The following LDLRAD1 variants were observed in gnomAD, a reference collection of about 807,000 sequenced individuals.
LDLRAD1 encodes the protein low-density lipoprotein receptor class A domain-containing protein 1.
A neutral mutation model predicts 24.8 loss-of-function variants in LDLRAD1; 17 were observed. The ratio of observed to expected loss-of-function variants is 0.69; its 90% CI spans 0.47 to 1.03. The LOEUF (loss-of-function observed/expected upper bound fraction) is 1.03. Among genes scored for constraint, LDLRAD1 ranks in the 50% least tolerant of loss-of-function variants. The pLI, the probability that LDLRAD1 is intolerant of heterozygous loss-of-function variation, is 0.00. For missense variants in LDLRAD1, 277 were observed against 271.0 expected, an observed-to-expected ratio of 1.02 and a Z score of -0.16; for synonymous variants, 103 against 108.2, an observed-to-expected ratio of 0.95 and a Z score of 0.30.
At position 54,008,930 on chromosome 1, in the gene LDLRAD1, G is replaced by T; in HGVS notation, c.*52C>A. ...CGCTAGGATTTGATTTTCATGTGAAGGGTTATCAGTGCCATTCCAGCCAGC... is the reference window on the plus strand; with the variant it reads ...CGCTAGGATTTGATTTTCATGTGAATGGTTATCAGTGCCATTCCAGCCAGC... On this transcript the variant is annotated 3_prime_UTR_variant, in exon 6 of 6. Transcript: ENST00000371360. The T allele has an allele frequency of 6.4e-7, 1 of 1,552,234 alleles. No homozygotes were observed. Among genetic ancestry groups the T allele is most frequent in the Non-Finnish European group, 8.8e-7 (1 of 1,138,322 alleles).
intron 3 of LDLRAD1, among the ~76,000 whole-genome samples, chr1:54,013,853 C>G (rs1191747866): frequency 1.3e-5 from 2 of 152,072 alleles, no homozygotes; most frequent in Non-Finnish European, 2.9e-5. Flanking sequence ...TGGGATGTCA[C>G]CCGGTCCCCT....
chr1:54,013,166 ACACT>A (rs1359375888), intron 3 of LDLRAD1, among the ~76,000 whole-genome samples: 1 of 152,144 alleles, frequency 6.6e-6, no homozygotes, highest in East Asian at 1.9e-4. Flanking sequence ...ACCTATGTGC[ACACT>A]CACAGATACA....
At chr1:54,014,203 G>A (rs764284928) in intron 3 of LDLRAD1, 33 bp downstream of exon 3, 27 of 1,567,618 alleles carry the variant, frequency 1.7e-5, no homozygotes, top group East Asian at 2.4e-5. Context: ...CCTCCCCGCC[G>A]GGTCTGACCC....
Position 54,017,427 on chromosome 1 carries a change from C to T in LDLRAD1, c.22G>A (p.Gly8Arg). Residue 8 changes from glycine (G) to arginine (R), a missense_variant and splice_region_variant, in exon 2 of 6, where the codon GGA (glycine) becomes AGA (arginine). By Grantham distance (125) the Gly-to-Arg change is moderately radical. Transcript: ENST00000371360. ...TCAGCAGCAGTGTAGCCATTCTCTC[C>T]CTGCCCAAGAGAACAGAGTGAGGGG... MNKVFPQGENGYTAAESK... is the reference protein window; with the variant it reads MNKVFPQRENGYTAAESK... 1 of 1,600,946 alleles carries T rather than the reference C, an allele frequency of 6.2e-7. No individual in the cohort carries two copies. The highest frequency in any genetic ancestry group is 8.5e-7 in the Non-Finnish European group (1 of 1,172,964).
chr1:54,015,939 G>A (rs968438098), intron 2 of LDLRAD1, among the ~76,000 whole-genome samples: 2 of 152,170 alleles, frequency 1.3e-5, no homozygotes, highest in East Asian at 3.9e-4. Context: ...ACAGGTGTGA[G>A]CCACCACACC....
In LDLRAD1 at chr1:54,009,060, A is replaced by G. The variant is rs780749653; in HGVS notation, c.540T>C (p.Cys180=). The G allele has an allele frequency of 8.1e-6, 13 of 1,614,032 alleles. No homozygotes were observed. The East Asian group carries it at 2.5e-4, about 30-fold the overall frequency. ...CPSTFFKYCD[C]IPRHLCRDHV... ...GGTCGCGGCAGAGATGCCTCGGTATACAGTCGCAGTACTTGAAGAAGGTTG... is the reference window on the plus strand; with the variant it reads ...GGTCGCGGCAGAGATGCCTCGGTATGCAGTCGCAGTACTTGAAGAAGGTTG... Residue 180 remains cysteine, a synonymous_variant, in exon 6 of 6, where the codon TGT becomes TGC. Transcript: ENST00000371360.
intron 3 of LDLRAD1, among the ~76,000 whole-genome samples, chr1:54,013,943 G>A (rs193289027): frequency 1.3e-5 from 2 of 152,038 alleles, no homozygotes; most frequent in African/African-American, 4.8e-5. Context: ...AGGGACTGGG[G>A]GGCTGAGAAG....
chr1:54,014,582 G>C (rs1656218553), intron 2 of LDLRAD1, among the ~76,000 whole-genome samples: 1 of 152,112 alleles, frequency 6.6e-6, no homozygotes. Context: ...CTGGCCAGGG[G>C]CCCACAGCTG....
In LDLRAD1 at chr1:54,014,338, G is replaced by A. The variant is rs149114405; in HGVS notation, c.100C>T (p.Arg34Cys). 4.6e-5 allele frequency: 71 copies of A among 1,548,764 alleles called. No homozygotes were observed. Among genetic ancestry groups the A allele is most frequent in the African/African-American group, 3.7e-4 (27 of 72,968 alleles). ...GAGGCAGAGAGGCAGGCCCCGCGAC[G>A]TGAGCAGCAGAGGTGGCCGCCGCCT... Reference protein sequence around the residue: ...EAGGGHLCCSRRGACLSASLL... With the variant: ...EAGGGHLCCSCRGACLSASLL... Residue 34 changes from arginine to cysteine, a missense_variant, in exon 3 of 6, where the codon CGT (arginine) becomes TGT (cysteine). Arg to Cys is a radical substitution (Grantham distance 180). Coordinates refer to ENST00000371360, the MANE Select transcript of LDLRAD1 (RefSeq NM_001010978.4).
chr1:54,013,765 C>T (rs556137105), intron 3 of LDLRAD1, among the ~76,000 whole-genome samples: 1 of 152,160 alleles, frequency 6.6e-6, no homozygotes, highest in East Asian at 1.9e-4. Flanking sequence ...AGACGGCTCT[C>T]GGAACAGTTA....
Position 54,013,784 on chromosome 1 carries a change from T to C in LDLRAD1, c.202+452A>G, listed in dbSNP as rs370044968. ...GGCTCTCGGAACAGTTATTAGCTCC[T>C]TGAAGGCAGGCACTGTGTTGGGGTT... On this transcript the variant is annotated intron_variant, in intron 3 of 5. Coordinates refer to ENST00000371360, the MANE Select transcript of LDLRAD1 (RefSeq NM_001010978.4). Among the ~76,000 whole-genome samples, 9 of 152,282 alleles carry C rather than the reference T, an allele frequency of 5.9e-5. No homozygotes were observed. In the East Asian group the frequency reaches 9.7e-4, roughly 16 times the overall value.
rs1656394898 is a variant in LDLRAD1, at chr1:54,018,150, A to G, written c.-38T>C. 6.2e-7 allele frequency: 1 copy of G among 1,612,716 alleles called. No individual in the cohort carries two copies. The highest frequency in any genetic ancestry group is 1.3e-5 in the African/African-American group (1 of 74,896). On this transcript the variant is annotated 5_prime_UTR_variant, in exon 1 of 6. Coordinates refer to ENST00000371360, the MANE Select transcript of LDLRAD1 (RefSeq NM_001010978.4). The stretch of plus-strand genomic sequence containing the variant: ...CTGCTGCCCGACTGGGGCTGTGTGC[A>G]GAGAGCTCAGCACGGGTTCCCTGCA...
At chr1:54,017,282 T>C (rs1656346943) in intron 2 of LDLRAD1, 94 bp downstream of exon 2, 2 of 992,376 alleles carry the variant, frequency 2.0e-6, no homozygotes, top group Admixed American at 2.1e-5. Context: ...TGAGGGACAG[T>C]GGGAGCCTTG....
chr1:54,014,380 A>T lies in LDLRAD1; in HGVS notation c.74-16T>A. 2 of 1,176,994 alleles carry T rather than the reference A, an allele frequency of 1.7e-6. No homozygotes were observed. The highest frequency in any genetic ancestry group is 2.3e-6 in the Non-Finnish European group (2 of 875,468). 72.9% of individuals were successfully genotyped at this position (1,176,994 alleles called of 1,614,324 possible). The stretch of plus-strand genomic sequence containing the variant: ...CCGCCGCCTGCTGTGTGGGGGGGAA[A>T]CAAGCCCGGGGGTGGTGGTGATAGG... On this transcript the variant is annotated splice_polypyrimidine_tract_variant and intron_variant, in intron 2 of 5. Transcript: ENST00000371360.
intron 2 of LDLRAD1, among the ~76,000 whole-genome samples, chr1:54,016,530 G>A (rs550910373): frequency 7.2e-5 from 11 of 152,316 alleles, no homozygotes; most frequent in South Asian, 6.2e-4. Context: ...TCCCTGTACC[G>A]ATGAGGAAAA....
In LDLRAD1 at chr1:54,014,317, C is replaced by A. The variant is rs1656198782; in HGVS notation, c.121G>T (p.Ala41Ser). Reference sequence around the variant, plus strand: ...GTTGCCAGGAGGAGCAGCAGAGAGGCAGAGAGGCAGGCCCCGCGACGTGAG... The same window carrying A: ...GTTGCCAGGAGGAGCAGCAGAGAGGAAGAGAGGCAGGCCCCGCGACGTGAG... ...CCSRRGACLS[A>S]SLLLLLATVA... Residue 41 changes from alanine to serine, a missense_variant, in exon 3 of 6, where the codon GCC becomes TCC. Ala to Ser is a moderately conservative substitution (Grantham distance 99). Transcript: ENST00000371360. 6.5e-7 allele frequency: 1 copy of A among 1,549,696 alleles called. No individual in the cohort carries two copies. Among genetic ancestry groups the A allele is most frequent in the African/African-American group, 1.4e-5 (1 of 72,978 alleles).
intron 2 of LDLRAD1, among the ~76,000 whole-genome samples, chr1:54,016,036 G>A (rs1190673989): frequency 6.6e-6 from 1 of 152,152 alleles, no homozygotes. Flanking sequence ...GTCAGTCCAG[G>A]TTATTTCCAA....
chr1:54,010,995 T>C (rs1413265695), intron 4 of LDLRAD1, among the ~76,000 whole-genome samples: 2 of 152,158 alleles, frequency 1.3e-5, no homozygotes, highest in Admixed American at 6.5e-5. Flanking sequence ...GGGAGCAAGA[T>C]TCTGTTCGTT....
chr1:54,009,160 G>T (rs374950804), intron 5 of LDLRAD1, 30 bp from the exon 6 acceptor site: 26 of 1,610,420 alleles, frequency 1.6e-5, no homozygotes, highest in Non-Finnish European at 1.5e-5. Flanking sequence ...CAGGAGAGCA[G>T]TTGCTGTGTC....
Sources: allele counts gnomAD v4.1 joint callset (sites outside exome capture counted in the v4.1 genomes callset), GRCh38; gene constraint gnomAD v4.1.1; transcripts MANE v1.5; gene names NCBI Gene and HGNC (gene_info 2026-07-23, HGNC 2026-07-21).